Variants in CNOT6 observed in about 807,000 individuals in gnomAD.
CNOT6 encodes the protein carbon catabolite repression 4 protein.
In CNOT6, 12 loss-of-function variants were observed where a neutral mutation model predicts 61.2. That is an observed-to-expected ratio of 0.20 (90% CI 0.13 to 0.32). The LOEUF (loss-of-function observed/expected upper bound fraction) is 0.32, where lower values mean the gene tolerates loss of function less well. Among genes scored for constraint, CNOT6 ranks in the 10% least tolerant of loss-of-function variants. The pLI, the probability that CNOT6 is intolerant of heterozygous loss-of-function variation, is 1.00. For missense variants in CNOT6, 405 were observed against 663.9 expected, an observed-to-expected ratio of 0.61 and a Z score of 4.28; for synonymous variants, 225 against 240.6, an observed-to-expected ratio of 0.94 and a Z score of 0.60.
intron 11 of CNOT6, 37 bp from the exon 12 acceptor site, chr5:180,573,951 T>C (rs1307934418): frequency 7.1e-7 from 1 of 1,410,526 alleles, no homozygotes; most frequent in Non-Finnish European, 1.0e-6. Context: ...TAGTGTTGTC[T>C]TATACGGTGC....
Position 180,559,021 on chromosome 5 carries a change from G to A in CNOT6, c.386-5468G>A, listed in dbSNP as rs536295179. ...TTTCAATTCTTTTCCATTTGTTGAA[G>A]TTTGTTTGATGGCCTAGGATATGGT... On this transcript the variant is annotated intron_variant, in intron 4 of 11. Coordinates refer to ENST00000261951, the MANE Select transcript of CNOT6 (RefSeq NM_001370472.1). 2.0e-5 allele frequency among the ~76,000 whole-genome samples: 3 copies of A among 152,314 alleles called. No individual in the cohort carries two copies. In the East Asian group the frequency reaches 5.8e-4, roughly 29 times the overall value.
At chr5:180,496,677 A>T (rs943480461) in intron 1 of CNOT6, among the ~76,000 whole-genome samples, 2 of 152,194 alleles carry the variant, frequency 1.3e-5, no homozygotes, top group Admixed American at 1.3e-4. Flanking sequence ...AAAGTAACAT[A>T]TATAAAGTCT....
intron 4 of CNOT6, among the ~76,000 whole-genome samples, chr5:180,555,761 A>ATCACTTAGTTCAGAGTCATGTTTG (rs1417964243): frequency 2.6e-5 from 4 of 152,338 alleles, no homozygotes; most frequent in Non-Finnish European, 4.4e-5. Flanking sequence ...AGAAAATAAT[A>ATCACTTAGTTCAGAGTCATGTTTG]TCACTTAGTT....
Position 180,531,409 on chromosome 5 carries a change from C to G in CNOT6, c.112+2021C>G, listed in dbSNP as rs1408742096. 3.3e-5 allele frequency among the ~76,000 whole-genome samples: 5 copies of G among 150,410 alleles called. No homozygotes were observed. The East Asian group carries it at 9.9e-4, about 30-fold the overall frequency. On this transcript the variant is annotated intron_variant, in intron 2 of 11. Transcript: ENST00000261951. ...ACGGGGCGGCGGGGCAGAGGCGCTC[C>G]CCGCATCTCAGACGATGGGCGGCCG...
At chr5:180,552,375 CA>C in intron 3 of CNOT6, among the ~76,000 whole-genome samples, 1 of 150,742 alleles carries the variant, frequency 6.6e-6, no homozygotes, top group South Asian at 2.1e-4. Flanking sequence ...CACGATGGCT[CA>C]AGCCTATAAT....
At chr5:180,542,383 G>A (rs1326142105) in intron 2 of CNOT6, among the ~76,000 whole-genome samples, 1 of 151,860 alleles carries the variant, frequency 6.6e-6, no homozygotes, top group African/African-American at 2.4e-5. Context: ...TCCTGCATCA[G>A]CCTCCCGAGT....
At chr5:180,558,063 A>G (rs966946727) in intron 4 of CNOT6, among the ~76,000 whole-genome samples, 4 of 152,114 alleles carry the variant, frequency 2.6e-5, no homozygotes, top group Middle Eastern at 3.2e-3. Context: ...TCATTGATCT[A>G]TGTGTCCATC....
At chr5:180,515,261 A>G (rs1265350613) in intron 1 of CNOT6, among the ~76,000 whole-genome samples, 2 of 152,066 alleles carry the variant, frequency 1.3e-5, no homozygotes, top group African/African-American at 4.8e-5. Flanking sequence ...CTCTACAAAA[A>G]AAAAAAGAAA....
At chr5:180,515,770 T>C (rs1263313469) in intron 1 of CNOT6, among the ~76,000 whole-genome samples, 1 of 152,154 alleles carries the variant, frequency 6.6e-6, no homozygotes, top group Non-Finnish European at 1.5e-5. Context: ...TCTTCCTCCT[T>C]ACCTCCCTTC....
At chr5:180,512,624 G>A (rs1279864153) in intron 1 of CNOT6, among the ~76,000 whole-genome samples, 1 of 152,214 alleles carries the variant, frequency 6.6e-6, no homozygotes, top group African/African-American at 2.4e-5. Context: ...TTGAGACAGA[G>A]TCTTGCTCTG....
Position 180,577,196 on chromosome 5 carries a change from T to TGTGTGTGTGTGTGTGTGTGTGTGTG in CNOT6, c.*2996_*2997insGTGTGTGTGTGTGTGTGTGTGTGTG, listed in dbSNP as rs1554105000. 1 of 152,150 alleles carries TGTGTGTGTGTGTGTGTGTGTGTGTG rather than the reference T, an allele frequency of 6.6e-6. No homozygotes were observed. The highest frequency in any genetic ancestry group is 2.4e-5 in the African/African-American group (1 of 41,286). 9.4% of individuals were successfully genotyped at this position (152,150 alleles called of 1,614,324 possible). A position where few individuals can be genotyped will look rare whatever the true frequency, so the allele number is the denominator to read the frequency against. ...GTGTGTGTGTGTGTGTGTGTGTGTGTTTAATATGATTTAGTGACAACCAGG... is the reference window on the plus strand; with the variant it reads ...GTGTGTGTGTGTGTGTGTGTGTGTGTGTGTGTGTGTGTGTGTGTGTGTGTGTTAATATGATTTAGTGACAACCAGG... On this transcript the variant is annotated 3_prime_UTR_variant, in exon 12 of 12. Transcript: ENST00000261951.
At chr5:180,511,509 G>GC (rs752930737) in intron 1 of CNOT6, among the ~76,000 whole-genome samples, 44 of 152,204 alleles carry the variant, frequency 2.9e-4, no homozygotes, top group Non-Finnish European at 5.7e-4. Context: ...TACTCGGGAG[G>GC]CTGAGACAGG....
intron 1 of CNOT6, among the ~76,000 whole-genome samples, chr5:180,517,764 A>C (rs1320482822): frequency 6.8e-6 from 1 of 146,680 alleles, no homozygotes; most frequent in Non-Finnish European, 1.5e-5. Flanking sequence ...GGCTGGTTTC[A>C]ATTTCTTGAC....
chr5:180,565,501 A>G (rs1760405963), intron 6 of CNOT6, among the ~76,000 whole-genome samples: 1 of 152,224 alleles, frequency 6.6e-6, no homozygotes, highest in African/African-American at 2.4e-5. Context: ...AGTTGGTAGC[A>G]TGGTAGAAGG....
intron 4 of CNOT6, among the ~76,000 whole-genome samples, chr5:180,558,394 A>G (rs1414537339): frequency 1.3e-5 from 2 of 151,906 alleles, no homozygotes; most frequent in Non-Finnish European, 2.9e-5. Flanking sequence ...TTGGGCGGTT[A>G]GGGCTGGCCG....
rs1354646182 is a variant in CNOT6, at chr5:180,560,963, A to AGTC, written c.386-3526_386-3525insGTC. ...TGGTCTGTGTTCTTATCTATCTATCAATCAATCAGTCAATCAAGAGACGAG... is the reference window on the plus strand; with the variant it reads ...TGGTCTGTGTTCTTATCTATCTATCAGTCATCAATCAGTCAATCAAGAGACGAG... On this transcript the variant is annotated intron_variant, in intron 4 of 11. Coordinates refer to ENST00000261951, the MANE Select transcript of CNOT6 (RefSeq NM_001370472.1). Among the ~76,000 whole-genome samples, 33 of 38,834 alleles carry AGTC rather than the reference A, an allele frequency of 8.5e-4. No individual in the cohort carries two copies. The East Asian group carries it at 0.075, about 89-fold the overall frequency. The allele number at this position is 38,834 out of a possible 152,430, so 25.5% of individuals were successfully genotyped here. A position where few individuals can be genotyped will look rare whatever the true frequency, so the allele number is the denominator to read the frequency against.
At chr5:180,529,091 C>T (rs1758228087) in intron 1 of CNOT6, among the ~76,000 whole-genome samples, 184 bp from the exon 2 acceptor site, 1 of 151,782 alleles carries the variant, frequency 6.6e-6, no homozygotes, top group African/African-American at 2.4e-5. Flanking sequence ...CGCCTATAGT[C>T]CCAGCTACTT....
rs576766509 is a variant in CNOT6 at position 180,496,185 on chromosome 5, G to A, written c.-3+1422G>A. 1.6e-4 allele frequency among the ~76,000 whole-genome samples: 24 copies of A among 152,328 alleles called. No individual in the cohort carries two copies. In the South Asian group the frequency reaches 5.0e-3, roughly 32 times the overall value. ...CCCAAAGTGCTGCAATTACAGGCATGAGCCAACATGCCTGGCCATCACAGT... is the reference window on the plus strand; with the variant it reads ...CCCAAAGTGCTGCAATTACAGGCATAAGCCAACATGCCTGGCCATCACAGT... On this transcript the variant is annotated intron_variant, in intron 1 of 11. Coordinates refer to ENST00000261951, the MANE Select transcript of CNOT6 (RefSeq NM_001370472.1).
intron 2 of CNOT6, among the ~76,000 whole-genome samples, chr5:180,531,385 C>T (rs988098091): frequency 1.3e-5 from 2 of 151,162 alleles, no homozygotes; most frequent in Admixed American, 6.6e-5. Context: ...ACATCCCACA[C>T]GGGGCGGCGG....
Sources: allele counts gnomAD v4.1 joint callset (sites outside exome capture counted in the v4.1 genomes callset), GRCh38; gene constraint gnomAD v4.1.1; transcripts MANE v1.5; gene names NCBI Gene and HGNC (gene_info 2026-07-23, HGNC 2026-07-21).